PRKCZ: variants seen among roughly 807,000 people sequenced by gnomAD.
PRKCZ encodes the protein protein kinase C zeta type.
A neutral mutation model predicts 79.5 loss-of-function variants in PRKCZ; 33 were observed. The ratio of observed to expected loss-of-function variants is 0.41; its 90% confidence interval spans 0.31 to 0.55. The LOEUF (loss-of-function observed/expected upper bound fraction) is 0.55. Among genes scored for constraint, PRKCZ ranks in the 20% least tolerant of loss-of-function variants. PRKCZ has a pLI of 0.19. For missense variants in PRKCZ, 578 were observed against 813.5 expected, an observed-to-expected ratio of 0.71 and a Z score of 3.52; for synonymous variants, 342 against 320.9, an observed-to-expected ratio of 1.07 and a Z score of -0.70.
intron 16 of PRKCZ, among the ~76,000 whole-genome samples, chr1:2,180,668 C>T (rs1053505313): frequency 2.6e-5 from 4 of 152,176 alleles, no homozygotes; most frequent in South Asian, 2.1e-4. Context: ...GATGCACGGA[C>T]GACTCAGATC....
intron 5 of PRKCZ, among the ~76,000 whole-genome samples, chr1:2,136,984 C>T (rs554397076): frequency 2.0e-4 from 31 of 152,174 alleles, no homozygotes; most frequent in African/African-American, 6.5e-4. Flanking sequence ...GGCCCTCGGG[C>T]GCACAAGACG....
intron 4 of PRKCZ, among the ~76,000 whole-genome samples, chr1:2,097,271 G>A (rs994549187): frequency 1.3e-5 from 2 of 152,224 alleles, no homozygotes; most frequent in African/African-American, 4.8e-5. Context: ...ATGGCCACCT[G>A]GGAAGGCCCG....
At chr1:2,083,459 T>G (rs1417813065) in intron 4 of PRKCZ, among the ~76,000 whole-genome samples, 1 of 152,248 alleles carries the variant, frequency 6.6e-6, no homozygotes, top group Non-Finnish European at 1.5e-5. Flanking sequence ...CTCTAATTAA[T>G]GTATGATTAA....
intron 4 of PRKCZ, among the ~76,000 whole-genome samples, chr1:2,077,640 G>T (rs1557506301): frequency 6.6e-6 from 1 of 152,264 alleles, no homozygotes; most frequent in South Asian, 2.1e-4. Flanking sequence ...TAGTTCTGTG[G>T]GACTCACAAA....
At chr1:2,148,777 C>A in intron 7 of PRKCZ, 95 bp from the exon 8 acceptor site, 2 of 1,236,414 alleles carry the variant, frequency 1.6e-6, no homozygotes, top group Non-Finnish European at 2.3e-6. Context: ...CCTTCACCGT[C>A]ACCCTGCAGA....
At chr1:2,118,713 CTGTGTGTGTGTGTG>C (rs770283606) in intron 4 of PRKCZ, among the ~76,000 whole-genome samples, 9 of 120,624 alleles carry the variant, frequency 7.5e-5, no homozygotes, top group Non-Finnish European at 1.5e-4. Context: ...CACACCAGCT[CTGTGTGTGTGTGTG>C]TGTGTGTGTG....
rs1246209822 is a variant in PRKCZ, at chr1:2,169,531, A to G, written c.988A>G (p.Ile330Val). 6.5e-7 allele frequency: 1 copy of G among 1,547,402 alleles called. No individual in the cohort carries two copies. Among genetic ancestry groups the G allele is most frequent in the Non-Finnish European group, 8.7e-7 (1 of 1,144,326 alleles). Residue 330 changes from isoleucine to valine, a missense_variant, in exon 11 of 18, where the codon ATT becomes GTT. By Grantham distance (29) the Ile-to-Val change is conservative (BLOSUM62 3). Around this residue, in one of 4 missense-constraint regions of PRKCZ, gnomAD observed 243 missense variants for 467.0 expected, o/e 0.52. Coordinates refer to ENST00000378567, the MANE Select transcript of PRKCZ (RefSeq NM_002744.6). ...FQTTSRLFLVIEYVNGGDLMF... is the reference protein window; with the variant it reads ...FQTTSRLFLVVEYVNGGDLMF... ...CTCTCCCTGCAGGTTGTTCCTGGTC[A>G]TTGAGTACGTCAACGGCGGGGACCT...
chr1:2,089,484 G>A (rs1665111405), intron 4 of PRKCZ, among the ~76,000 whole-genome samples: 1 of 152,172 alleles, frequency 6.6e-6, no homozygotes, highest in South Asian at 2.1e-4. Context: ...TGAAGGCGGG[G>A]AAGTCCAGGC....
At chr1:2,081,535 G>A (rs1484397857) in intron 4 of PRKCZ, among the ~76,000 whole-genome samples, 1 of 152,216 alleles carries the variant, frequency 6.6e-6, no homozygotes, top group African/African-American at 2.4e-5. Flanking sequence ...TGGGGTGTGG[G>A]CCCTGGGAGG....
chr1:2,096,827 T>A (rs1666608263), intron 4 of PRKCZ, among the ~76,000 whole-genome samples: 1 of 152,184 alleles, frequency 6.6e-6, no homozygotes, highest in Non-Finnish European at 1.5e-5. Context: ...GACCTCGCTC[T>A]GCAACAAATC....
At position 2,128,266 on chromosome 1, in the gene PRKCZ, G is replaced by T. The variant is rs1016030209; in HGVS notation, c.335-6996G>T. ...GCACCCATCCGGGCCCCGCAGGGCCGTCCTGTGGCACTGCTTTGGGCTGTG... is the reference window on the plus strand; with the variant it reads ...GCACCCATCCGGGCCCCGCAGGGCCTTCCTGTGGCACTGCTTTGGGCTGTG... On this transcript the variant is annotated intron_variant, in intron 4 of 17. Coordinates refer to ENST00000378567, the MANE Select transcript of PRKCZ (RefSeq NM_002744.6). This position sits in a 1 kb window ranked among gnomAD's most constrained non-coding sequence, Gnocchi z 6.5. Among the ~76,000 whole-genome samples, 1 of 152,196 alleles carries T rather than the reference G, an allele frequency of 6.6e-6. No individual in the cohort carries two copies. The highest frequency in any genetic ancestry group is 1.5e-5 in the Non-Finnish European group (1 of 68,030).
Position 2,128,833 on chromosome 1 carries a change from G to T in PRKCZ, c.335-6429G>T, listed in dbSNP as rs1387298664. Among the ~76,000 whole-genome samples the T allele has an allele frequency of 1.3e-5, 2 of 152,306 alleles. No homozygotes were observed. Among genetic ancestry groups the T allele is most frequent in the South Asian group, 2.1e-4 (1 of 4,822 alleles). On this transcript the variant is annotated intron_variant, in intron 4 of 17. Coordinates refer to ENST00000378567, the MANE Select transcript of PRKCZ (RefSeq NM_002744.6). The surrounding 1 kb of genome is among the most constrained non-coding windows in gnomAD (Gnocchi z 6.5). ...CCTGCTAACCTGGGCTTGACTTTGA[G>T]ACCCTGTTCCACAGAGGTAGCCGGG...
intron 4 of PRKCZ, among the ~76,000 whole-genome samples, chr1:2,061,007 G>A (rs1660624912): frequency 6.6e-6 from 1 of 152,230 alleles, no homozygotes; most frequent in Admixed American, 6.5e-5. Context: ...CACATAAATA[G>A]GACAGATACT....
intron 4 of PRKCZ, among the ~76,000 whole-genome samples, chr1:2,123,504 T>C (rs547276993): frequency 8.6e-5 from 1 of 11,642 alleles, no homozygotes; most frequent in African/African-American, 4.7e-4. Context: ...GTTAGGGTCG[T>C]GGCGGTGGTT....
rs1460700866 is a variant in PRKCZ at position 2,177,698 on chromosome 1, G to A, written c.1575+2385G>A. On this transcript the variant is annotated intron_variant, in intron 16 of 17. Transcript: ENST00000378567. This position sits in a 1 kb window ranked among gnomAD's most constrained non-coding sequence, Gnocchi z 6.4. ...AGGTGATCTCTGGCACACACTTGCC[G>A]CGGGCTGTCTCTCGGAAGGTAGTCA... 3.3e-5 allele frequency among the ~76,000 whole-genome samples: 5 copies of A among 152,146 alleles called. No homozygotes were observed. Among genetic ancestry groups the A allele is most frequent in the Admixed American group, 6.5e-5 (1 of 15,278 alleles).
intron 4 of PRKCZ, among the ~76,000 whole-genome samples, chr1:2,131,491 G>A (rs1674944119): frequency 6.6e-6 from 1 of 152,190 alleles, no homozygotes; most frequent in Non-Finnish European, 1.5e-5. Context: ...AGTGAGATGG[G>A]ATATTTGAAG....
At chr1:2,114,728 C>A (rs560870790) in intron 4 of PRKCZ, among the ~76,000 whole-genome samples, 1 of 151,890 alleles carries the variant, frequency 6.6e-6, no homozygotes, top group Non-Finnish European at 1.5e-5. Context: ...GGGCCGAGAT[C>A]GTGCCACTGC....
intron 5 of PRKCZ, 146 bp downstream of exon 5, chr1:2,135,493 G>C (rs1167040851): frequency 5.4e-6 from 4 of 746,420 alleles, no homozygotes; most frequent in Admixed American, 3.1e-5. Context: ...GCTTTCTCTG[G>C]TGCAGGATGA....
chr1:2,100,872 C>A (rs1308789161), intron 4 of PRKCZ, among the ~76,000 whole-genome samples: 1 of 152,118 alleles, frequency 6.6e-6, no homozygotes, highest in Non-Finnish European at 1.5e-5. Context: ...CATAGTCTTT[C>A]CAACACACCC....
Sources: allele counts gnomAD v4.1 joint callset (sites outside exome capture counted in the v4.1 genomes callset), GRCh38; gene constraint gnomAD v4.1.1; regional missense constraint gnomAD v4.1.1; non-coding constraint Gnocchi (gnomAD v3.1); transcripts MANE v1.5; gene names NCBI Gene and HGNC (gene_info 2026-07-23, HGNC 2026-07-21).